Variants in DPP6 observed in about 807,000 individuals in gnomAD.
DPP6 encodes the protein A-type potassium channel modulatory protein DPP6.
Under a neutral mutation model 122.6 loss-of-function variants are expected in DPP6, and 69 were observed. The ratio of observed to expected loss-of-function variants is 0.56; its 90% confidence interval spans 0.46 to 0.69. The LOEUF (loss-of-function observed/expected upper bound fraction) is 0.69. Among genes scored for constraint, DPP6 ranks in the 30% least tolerant of loss-of-function variants. DPP6 has a pLI of 0.00. For synonymous variants in DPP6, 418 were observed against 433.1 expected (o/e 0.97, Z 0.43); for missense variants, 928 against 1,116.9 (o/e 0.83, Z 2.41).
the DPP6 span, among the ~76,000 whole-genome samples, chr7:153,773,339 T>TTA: frequency 4.1e-5 from 6 of 146,614 alleles, no homozygotes; most frequent in Non-Finnish European, 9.0e-5. Context: ...TATTTTTTTT[T>TTA]AAAGCAGGCA....
At chr7:154,763,300 C>T (rs1795678338) in intron 8 of DPP6, among the ~76,000 whole-genome samples, 1 of 150,888 alleles carries the variant, frequency 6.6e-6, no homozygotes. Flanking sequence ...CCACTGCACT[C>T]CAGCCTGGAT....
chr7:154,883,469 C>G (rs1431680211), intron 21 of DPP6: 1 of 147,732 alleles, frequency 6.8e-6, no homozygotes, highest in East Asian at 2.1e-4. Flanking sequence ...TACACTTGTT[C>G]ACACATACAC....
intron 1 of DPP6, among the ~76,000 whole-genome samples, chr7:154,126,282 G>C (rs1807879796): frequency 6.6e-6 from 1 of 152,160 alleles, no homozygotes; most frequent in Non-Finnish European, 1.5e-5. Flanking sequence ...ATAGGGCTAT[G>C]ATGAGTTGAC....
At chr7:153,990,857 G>A (rs1178824901) in intron 1 of DPP6, among the ~76,000 whole-genome samples, 4 of 152,298 alleles carry the variant, frequency 2.6e-5, no homozygotes, top group Admixed American at 2.0e-4. Flanking sequence ...GGAAGAGAAC[G>A]GCCAGATTTC....
chr7:154,829,761 C>A (rs1462108721), intron 16 of DPP6, among the ~76,000 whole-genome samples: 1 of 152,104 alleles, frequency 6.6e-6, no homozygotes. Context: ...GAACTGCAGA[C>A]CACTTGCCAT....
chr7:154,656,942 G>A lies in DPP6; in HGVS notation c.681-12418G>A, dbSNP rs865935010. Among the ~76,000 whole-genome samples the A allele has an allele frequency of 6.3e-4, 39 of 62,122 alleles. 9 individuals are homozygous for A. Among genetic ancestry groups the A allele is most frequent in the Non-Finnish European group, 4.7e-4 (13 of 27,502 alleles). The allele number at this position is 62,122 out of a possible 152,430, so 40.8% of individuals were successfully genotyped here. ...GGATGCGTGGGAGGAGGTGCTCATG[G>A]GTGGGTGGAGAGGCTGTGTGGGAGG... is the stretch of plus-strand genomic sequence containing the variant. On this transcript the variant is annotated intron_variant, in intron 6 of 25. Coordinates refer to ENST00000377770, the MANE Select transcript of DPP6 (RefSeq NM_130797.4).
chr7:153,999,808 A>C (rs1273699077), intron 1 of DPP6, among the ~76,000 whole-genome samples: 2 of 152,066 alleles, frequency 1.3e-5, no homozygotes, highest in Admixed American at 6.5e-5. Context: ...AAAATATAAA[A>C]ATTAGCTGGG....
At chr7:154,431,823 G>C (rs1211380844) in intron 1 of DPP6, among the ~76,000 whole-genome samples, 1 of 152,078 alleles carries the variant, frequency 6.6e-6, no homozygotes, top group Non-Finnish European at 1.5e-5. Context: ...GAGAGCCACC[G>C]CACCCAGCCT....
chr7:153,876,010 G>T, the DPP6 span, among the ~76,000 whole-genome samples: 5 of 150,316 alleles, frequency 3.3e-5, no homozygotes, highest in Non-Finnish European at 7.4e-5. Context: ...ATATAATTTT[G>T]CAAATGACAC....
chr7:154,428,560 C>CA (rs960932807), intron 1 of DPP6, among the ~76,000 whole-genome samples: 14 of 151,754 alleles, frequency 9.2e-5, no homozygotes, highest in South Asian at 2.1e-4. Context: ...AGGCTTACTG[C>CA]AAAAAAAATT....
At chr7:154,373,352 A>G (rs942312075) in intron 1 of DPP6, among the ~76,000 whole-genome samples, 5 of 152,170 alleles carry the variant, frequency 3.3e-5, no homozygotes, top group African/African-American at 4.8e-5. Context: ...TAATTACTCA[A>G]TTAGATCCCC....
At chr7:154,725,802 G>GT (rs550270170) in intron 7 of DPP6, among the ~76,000 whole-genome samples, 15 of 152,304 alleles carry the variant, frequency 9.8e-5, no homozygotes, top group Admixed American at 8.5e-4. Flanking sequence ...GGCAAGGCAA[G>GT]TTTTTTCTGC....
intron 1 of DPP6, among the ~76,000 whole-genome samples, chr7:153,935,247 A>AG (rs1341671763): frequency 5.4e-5 from 8 of 147,740 alleles, no homozygotes; most frequent in South Asian, 2.3e-4. Flanking sequence ...ATGCCAGAGA[A>AG]GGGGGGGGAC....
At chr7:153,837,263 T>TA in the DPP6 span, among the ~76,000 whole-genome samples, 1 of 152,200 alleles carries the variant, frequency 6.6e-6, no homozygotes, top group Non-Finnish European at 1.5e-5. Context: ...AAATGTGTTT[T>TA]TTTTTGTTTT....
intron 1 of DPP6, among the ~76,000 whole-genome samples, chr7:154,399,288 CAG>C (rs942030842): frequency 3.3e-5 from 5 of 152,162 alleles, no homozygotes; most frequent in African/African-American, 1.2e-4. Context: ...TTCGTTTAAA[CAG>C]AGTCTTTATG....
At chr7:153,819,799 A>G in the DPP6 span, among the ~76,000 whole-genome samples, 1 of 152,340 alleles carries the variant, frequency 6.6e-6, no homozygotes, top group South Asian at 2.1e-4. Context: ...TCTCTATTTA[A>G]AAAATCACTG....
At chr7:154,341,899 G>T (rs1006625050) in intron 1 of DPP6, among the ~76,000 whole-genome samples, 16 of 152,046 alleles carry the variant, frequency 1.1e-4, no homozygotes, top group Admixed American at 1.3e-4. Context: ...TTAGCACAGG[G>T]TGTGGCGCTT....
At chr7:154,258,429 C>A (rs1802797176) in intron 1 of DPP6, among the ~76,000 whole-genome samples, 1 of 152,210 alleles carries the variant, frequency 6.6e-6, no homozygotes, top group Admixed American at 6.5e-5. Context: ...ACCACAGAAC[C>A]TGAACAGTAA....
chr7:153,841,963 T>C, the DPP6 span, among the ~76,000 whole-genome samples: 1 of 152,210 alleles, frequency 6.6e-6, no homozygotes, highest in Non-Finnish European at 1.5e-5. Flanking sequence ...TATGATTCTC[T>C]AATTTAATGT....
Sources: gnomAD v4.1 joint callset for allele counts (sites outside exome capture counted in the v4.1 genomes callset) on GRCh38, gnomAD v4.1.1 for gene constraint, MANE v1.5 for transcripts, NCBI Gene and HGNC (gene_info 2026-07-23, HGNC 2026-07-21) for gene names.